Variants in COL4A5 observed in about 807,000 individuals in gnomAD.
COL4A5 encodes the protein collagen alpha-5(IV) chain.
COL4A5 carries 26 observed loss-of-function variants against 130.2 expected under a neutral mutation model. That is an observed-to-expected ratio of 0.20 (90% CI 0.15 to 0.28). The LOEUF (loss-of-function observed/expected upper bound fraction) is 0.28, where lower values mean the gene tolerates loss of function less well. COL4A5 is among the 10% of genes least tolerant of loss of function. The probability of loss-of-function intolerance (pLI) is 1.00; values close to 1 mark genes in which losing one functional copy is unlikely to be tolerated. For missense variants in COL4A5, 1,131 were observed against 1,344.3 expected (o/e 0.84, Z 2.48); for synonymous variants, 496 against 439.6 (o/e 1.13, Z -1.60).
intron 36 of COL4A5, among the ~76,000 whole-genome samples, chrX:108,651,992 G>A (rs759992737): frequency 2.5e-4 from 28 of 111,751 alleles, no homozygotes; most frequent in Non-Finnish European, 3.8e-4. Context: ...AGATGAGTAA[G>A]TTTTACAGAT....
intron 49 of COL4A5, chrX:108,689,506 A>G: frequency 4.0e-6 from 3 of 753,844 alleles, no homozygotes; most frequent in African/African-American, 2.3e-5. Flanking sequence ...TTTGGAATCT[A>G]TAAACTGGCC....
chrX:108,620,479 C>T (rs1316357723), intron 31 of COL4A5, 53 bp downstream of exon 31: 11 of 987,381 alleles, frequency 1.1e-5, no homozygotes, highest in Admixed American at 2.3e-5. Flanking sequence ...AAAACTAATA[C>T]GACTCTGGTA....
intron 1 of COL4A5, among the ~76,000 whole-genome samples, chrX:108,521,065 A>G (rs1002908139): frequency 5.4e-5 from 6 of 111,934 alleles, no homozygotes; most frequent in African/African-American, 1.6e-4. Context: ...CTTTATATGC[A>G]TAAATACCTG....
At chrX:108,655,903 G>T (rs186904540) in intron 37 of COL4A5, among the ~76,000 whole-genome samples, 129 of 112,573 alleles carry the variant, frequency 1.1e-3, no homozygotes, top group Non-Finnish European at 2.0e-3. Context: ...TAAGAGATTA[G>T]CACTATAGTC....
intron 29 of COL4A5, among the ~76,000 whole-genome samples, chrX:108,613,114 T>G (rs1419329844): frequency 8.9e-6 from 1 of 112,068 alleles, no homozygotes; most frequent in Non-Finnish European, 1.9e-5. Flanking sequence ...ACTTCCTACC[T>G]TGCACAAAAT....
chrX:108,579,721 G>A (rs748585259), intron 13 of COL4A5, among the ~76,000 whole-genome samples: 164 of 111,999 alleles, frequency 1.5e-3, no homozygotes, highest in African/African-American at 5.1e-3. Context: ...AGAAAGTTAA[G>A]AATAAAGGAA....
chrX:108,685,975 T>A (rs2068535079), intron 47 of COL4A5, 56 bp from the exon 48 acceptor site: 4 of 983,899 alleles, frequency 4.1e-6, no homozygotes, highest in Non-Finnish European at 4.3e-6. Flanking sequence ...CTCCTAGATC[T>A]GTCCAGATGT....
In COL4A5 at chrX:108,627,168, G is replaced by A. The variant is rs983045986; in HGVS notation, c.3246+819G>A. On this transcript the variant is annotated intron_variant, in intron 36 of 52. Coordinates refer to ENST00000328300, the MANE Select transcript of COL4A5 (RefSeq NM_033380.3). ...TGTATGTTCATTCCAGTTTAACAAT[G>A]TAAAGTTTCTTGAAGTGAATTTTAA... The A allele has an allele frequency of 1.2e-5, 8 of 657,914 alleles. No homozygotes were observed. The African/African-American group carries it at 1.9e-4, about 16-fold the overall frequency. 54.2% of individuals were successfully genotyped at this position (657,914 alleles called of 1,213,427 possible). A position where few individuals can be genotyped will look rare whatever the true frequency, so the allele number is the denominator to read the frequency against.
At chrX:108,653,942 T>G (rs1055955281) in intron 36 of COL4A5, among the ~76,000 whole-genome samples, 12 of 111,987 alleles carry the variant, frequency 1.1e-4, no homozygotes, top group African/African-American at 3.9e-4. Context: ...AGATTCTTAA[T>G]TTTTTTAAAT....
At chrX:108,492,865 T>C (rs1458002360) in intron 1 of COL4A5, among the ~76,000 whole-genome samples, 2 of 111,512 alleles carry the variant, frequency 1.8e-5, no homozygotes, top group Admixed American at 1.9e-4. Context: ...GAGTCTTTTA[T>C]AGGATTTTTT....
At chrX:108,638,028 C>A (rs2067387776) in intron 36 of COL4A5, among the ~76,000 whole-genome samples, 1 of 109,790 alleles carries the variant, frequency 9.1e-6, no homozygotes, top group East Asian at 2.9e-4. Flanking sequence ...CAAGGTCTTC[C>A]AAAAAAATTG....
At chrX:108,693,562 G>C (rs1266073406) in intron 50 of COL4A5, 2 of 114,631 alleles carry the variant, frequency 1.7e-5, no homozygotes, top group African/African-American at 6.5e-5. Flanking sequence ...CTACACTTCA[G>C]GTTAGATTAT....
intron 36 of COL4A5, among the ~76,000 whole-genome samples, chrX:108,648,322 C>G (rs1300387328): frequency 9.0e-6 from 1 of 111,166 alleles, no homozygotes; most frequent in African/African-American, 3.3e-5. Flanking sequence ...TTCTGCCAGA[C>G]ATTCAAAGAA....
chrX:108,670,290 C>T, intron 42 of COL4A5, 54 bp downstream of exon 42: 1 of 1,202,474 alleles, frequency 8.3e-7, no homozygotes, highest in South Asian at 1.8e-5. Flanking sequence ...ACTTATATAC[C>T]TGTACCAAAT....
intron 47 of COL4A5, among the ~76,000 whole-genome samples, chrX:108,682,961 T>C (rs2068465407): frequency 8.9e-6 from 1 of 112,143 alleles, no homozygotes; most frequent in Non-Finnish European, 1.9e-5. Context: ...AGTCATGAAG[T>C]ATTTGTCCAT....
intron 19 of COL4A5, among the ~76,000 whole-genome samples, chrX:108,589,948 AT>A (rs1475836898): frequency 9.0e-6 from 1 of 111,671 alleles, no homozygotes; most frequent in Non-Finnish European, 1.9e-5. Context: ...AGAGAAAAAA[AT>A]AACCCCATTA....
intron 1 of COL4A5, among the ~76,000 whole-genome samples, chrX:108,518,279 G>A (rs1016562125): frequency 9.0e-6 from 1 of 111,192 alleles, no homozygotes; most frequent in African/African-American, 3.3e-5. Context: ...GTATCCAAAA[G>A]TACTTGTAAA....
At chrX:108,470,691 T>C (rs892402954) in intron 1 of COL4A5, among the ~76,000 whole-genome samples, 3 of 111,747 alleles carry the variant, frequency 2.7e-5, no homozygotes, top group Non-Finnish European at 5.6e-5. Context: ...GCCATTGCGT[T>C]TGGGGATTTA....
intron 52 of COL4A5, 39 bp downstream of exon 52, chrX:108,695,478 C>T: frequency 8.7e-7 from 1 of 1,154,501 alleles, no homozygotes. Context: ...CCAAAGCTTC[C>T]TTCAGAGATG....
Sources: allele counts gnomAD v4.1 joint callset (sites outside exome capture counted in the v4.1 genomes callset), GRCh38; gene constraint gnomAD v4.1.1; transcripts MANE v1.5; gene names NCBI Gene and HGNC (gene_info 2026-07-23, HGNC 2026-07-21).